The following ZNF804B variants were observed in gnomAD, a reference collection of about 807,000 sequenced individuals.
ZNF804B encodes zinc finger protein 804B, also known as zinc finger 804B.
A neutral mutation model predicts 101.4 loss-of-function variants in ZNF804B; 80 were observed. The ratio of observed to expected loss-of-function variants is 0.79; its 90% CI spans 0.66 to 0.95. The LOEUF (loss-of-function observed/expected upper bound fraction) is 0.95, where lower values mean the gene tolerates loss of function less well. Ranked by LOEUF, ZNF804B falls within the 40% of genes least tolerant of loss-of-function variation. The pLI, the probability that ZNF804B is intolerant of heterozygous loss-of-function variation, is 0.00. For missense variants in ZNF804B, 1,673 were observed against 1,561.9 expected, an observed-to-expected ratio of 1.07 and a Z score of -1.20; for synonymous variants, 622 against 558.8, an observed-to-expected ratio of 1.11 and a Z score of -1.59.
intron 1 of ZNF804B, among the ~76,000 whole-genome samples, chr7:88,801,045 TTTTTATTTTA>T (rs1554336068): frequency 1.3e-5 from 2 of 151,990 alleles, no homozygotes; most frequent in Non-Finnish European, 2.9e-5. Context: ...AGTGGAGAAT[TTTTTATTTTA>T]TTTTATTTTA....
At chr7:88,778,670 A>G (rs1790181977) in intron 1 of ZNF804B, among the ~76,000 whole-genome samples, 1 of 152,052 alleles carries the variant, frequency 6.6e-6, no homozygotes, top group African/African-American at 2.4e-5. Context: ...AGATTGGGAA[A>G]TCTGCTAATT....
chr7:89,006,473 G>A (rs1024921095), intron 1 of ZNF804B, among the ~76,000 whole-genome samples: 3 of 152,012 alleles, frequency 2.0e-5, no homozygotes, highest in African/African-American at 7.2e-5. Context: ...ATCATGCATT[G>A]TGAAGAATGA....
Position 89,333,593 on chromosome 7 carries a change from T to A in ZNF804B, c.611T>A (p.Leu204Gln), listed in dbSNP as rs1412836299. ...DRRCLFGNQV[L>Q]QTSSDLSNAN... ...CGTTGTTTGTTTGGAAATCAGGTACTGCAAACATCTTCAGATCTCAGCAAT... is the reference window on the plus strand; with the variant it reads ...CGTTGTTTGTTTGGAAATCAGGTACAGCAAACATCTTCAGATCTCAGCAAT... The change falls in exon 4 of 4, where the codon CTG becomes CAG. Residue 204 changes from leucine to glutamine, a missense_variant. Coordinates refer to ENST00000333190, the MANE Select transcript of ZNF804B (RefSeq NM_181646.5). The A allele has an allele frequency of 6.2e-7, 1 of 1,613,508 alleles. No homozygotes were observed. Among genetic ancestry groups the A allele is most frequent in the African/African-American group, 1.3e-5 (1 of 74,894 alleles).
intron 1 of ZNF804B, among the ~76,000 whole-genome samples, chr7:89,052,766 C>G (rs1264614875): frequency 1.3e-5 from 2 of 152,252 alleles, no homozygotes; most frequent in East Asian, 3.9e-4. Flanking sequence ...CCAATTCATT[C>G]TTTTTCAGGC....
chr7:88,879,783 C>T (rs950331735), intron 1 of ZNF804B, among the ~76,000 whole-genome samples: 8 of 152,116 alleles, frequency 5.3e-5, no homozygotes, highest in Non-Finnish European at 1.0e-4. Context: ...TCATGCCTGT[C>T]ATGCCAGCAC....
At chr7:88,841,138 T>A (rs1791286760) in intron 1 of ZNF804B, among the ~76,000 whole-genome samples, 2 of 152,226 alleles carry the variant, frequency 1.3e-5, no homozygotes, top group Non-Finnish European at 2.9e-5. Context: ...AAGAAAGATA[T>A]GGCCTTTGCC....
intron 1 of ZNF804B, among the ~76,000 whole-genome samples, chr7:89,107,101 T>C (rs1400248137): frequency 6.6e-6 from 1 of 152,192 alleles, no homozygotes; most frequent in Non-Finnish European, 1.5e-5. Context: ...CAAGAACATA[T>C]TCCAATTGGA....
chr7:89,270,498 C>G (rs1208844), intron 2 of ZNF804B, among the ~76,000 whole-genome samples: 116,885 of 152,142 alleles, frequency 0.77, 46,047 homozygotes, highest in African/African-American at 0.93. Context: ...GTCAGGTAGT[C>G]TGATGCCTCC....
chr7:89,216,391 G>C (rs35966114), intron 1 of ZNF804B, among the ~76,000 whole-genome samples: 4,320 of 152,190 alleles, frequency 0.028, 107 homozygotes, highest in Middle Eastern at 0.065. Flanking sequence ...AAGGGATTTA[G>C]CACCATCTCA....
intron 1 of ZNF804B, among the ~76,000 whole-genome samples, chr7:89,061,708 T>G (rs1789382842): frequency 6.6e-6 from 1 of 152,028 alleles, no homozygotes; most frequent in African/African-American, 2.4e-5. Context: ...ATTAAGAGAG[T>G]TAATATATAT....
chr7:88,953,981 A>G (rs1793263774), intron 1 of ZNF804B, among the ~76,000 whole-genome samples: 1 of 151,758 alleles, frequency 6.6e-6, no homozygotes, highest in African/African-American at 2.4e-5. Context: ...ATATTTGTGT[A>G]AAACTCTGAT....
intron 1 of ZNF804B, among the ~76,000 whole-genome samples, chr7:89,148,341 G>A (rs891129211): frequency 2.0e-5 from 3 of 151,998 alleles, no homozygotes; most frequent in African/African-American, 7.2e-5. Context: ...ACTAGTGAAA[G>A]TGTTTGCAGT....
At chr7:89,210,269 A>T (rs1203541171) in intron 1 of ZNF804B, among the ~76,000 whole-genome samples, 4 of 151,780 alleles carry the variant, frequency 2.6e-5, no homozygotes, top group Admixed American at 2.0e-4. Context: ...AGGTAAAAGT[A>T]AAAAAAACAG....
chr7:88,907,537 CTAATT>C (rs769598641), intron 1 of ZNF804B, among the ~76,000 whole-genome samples: 166 of 152,014 alleles, frequency 1.1e-3, no homozygotes, highest in Non-Finnish European at 2.0e-3. Context: ...CTAATTTAAA[CTAATT>C]TAATCCCTTA....
chr7:89,041,562 G>T (rs2116249210), intron 1 of ZNF804B, among the ~76,000 whole-genome samples: 1 of 152,304 alleles, frequency 6.6e-6, no homozygotes, highest in African/African-American at 2.4e-5. Flanking sequence ...TTTAAGGACT[G>T]GCCTGGCACC....
chr7:89,159,567 T>C (rs1382871681), intron 1 of ZNF804B, among the ~76,000 whole-genome samples: 1 of 152,178 alleles, frequency 6.6e-6, no homozygotes, highest in African/African-American at 2.4e-5. Flanking sequence ...AGTGGGCATG[T>C]ATCATATGGA....
intron 1 of ZNF804B, among the ~76,000 whole-genome samples, chr7:88,971,360 C>G (rs1793535380): frequency 6.6e-6 from 1 of 151,554 alleles, no homozygotes; most frequent in Non-Finnish European, 1.5e-5. Context: ...GAAGACAAAA[C>G]TCAATAAGAC....
chr7:89,126,602 T>C (rs1313404496), intron 1 of ZNF804B, among the ~76,000 whole-genome samples: 1 of 151,946 alleles, frequency 6.6e-6, no homozygotes, highest in Non-Finnish European at 1.5e-5. Context: ...CTCTCATTAT[T>C]AGAAATTTTT....
At chr7:88,977,288 A>AT (rs35561668) in intron 1 of ZNF804B, among the ~76,000 whole-genome samples, 251 of 143,772 alleles carry the variant, frequency 1.7e-3, no homozygotes, top group Middle Eastern at 3.7e-3. Flanking sequence ...TTCATCCTCT[A>AT]TTTTTTTTTT....
Sources: allele counts gnomAD v4.1 joint callset (sites outside exome capture counted in the v4.1 genomes callset), GRCh38; gene constraint gnomAD v4.1.1; transcripts MANE v1.5; gene names NCBI Gene and HGNC (gene_info 2026-07-23, HGNC 2026-07-21).